RBBP8: variants seen among roughly 807,000 people sequenced by gnomAD.
RBBP8 encodes the protein RB binding protein 8, endonuclease, also known as DNA endonuclease RBBP8.
Under a neutral mutation model 108.3 loss-of-function variants are expected in RBBP8, and 88 were observed. The ratio of observed to expected loss-of-function variants is 0.81; its 90% confidence interval spans 0.68 to 0.97. The LOEUF is 0.97. Ranked by LOEUF, RBBP8 falls within the 50% of genes least tolerant of loss-of-function variation. RBBP8 has a pLI of 0.00. For synonymous variants in RBBP8, 332 were observed against 348.2 expected (o/e 0.95, Z 0.52); for missense variants, 1,023 against 1,049.0 (o/e 0.98, Z 0.34).
At chr18:23,018,454 G>A (rs567273747) in intron 17 of RBBP8, among the ~76,000 whole-genome samples, 230 of 152,296 alleles carry the variant, frequency 1.5e-3, no homozygotes, top group African/African-American at 5.4e-3. Context: ...AGATGGTACA[G>A]ACATTGCTTT....
chr18:22,959,383 A>G (rs1488243541), intron 4 of RBBP8, among the ~76,000 whole-genome samples: 11 of 151,640 alleles, frequency 7.3e-5, no homozygotes, highest in Non-Finnish European at 1.5e-5. Flanking sequence ...CCTTTCTGAA[A>G]TTTTTCCTTG....
At chr18:23,000,299 A>T (rs1328107081) in intron 14 of RBBP8, among the ~76,000 whole-genome samples, 1 of 152,196 alleles carries the variant, frequency 6.6e-6, no homozygotes, top group East Asian at 1.9e-4. Context: ...ATGTGATTAT[A>T]TAATGGGAAA....
At chr18:22,947,217 T>A (rs1007166004) in intron 3 of RBBP8, among the ~76,000 whole-genome samples, 2 of 152,064 alleles carry the variant, frequency 1.3e-5, no homozygotes, top group East Asian at 3.8e-4. Context: ...TTTAAAGAAT[T>A]GTAAAGACAA....
In RBBP8 at chr18:22,947,562, C is replaced by T. The variant is rs571097478; in HGVS notation, c.152+1076C>T. ...CAGTTACCTTAGAAAGACAGAAGGC[C>T]ACCAATTAGGAAAATGATACTGAGT... On this transcript the variant is annotated intron_variant, in intron 3 of 18. Transcript: ENST00000327155. 2.0e-5 allele frequency among the ~76,000 whole-genome samples: 3 copies of T among 152,138 alleles called. No individual in the cohort carries two copies. The South Asian group carries it at 6.2e-4, about 32-fold the overall frequency.
At chr18:22,931,116 A>G (rs1039902568), upstream of RBBP8, among the ~76,000 whole-genome samples, 6 of 152,298 alleles carry the variant, frequency 3.9e-5, no homozygotes, top group Middle Eastern at 6.8e-3. Context: ...AAATAACTAA[A>G]ACAATAAAAA....
At chr18:22,924,101 A>T (rs2144343159) in intron 3 of RBBP8, among the ~76,000 whole-genome samples, 1 of 149,478 alleles carries the variant, frequency 6.7e-6, no homozygotes, top group African/African-American at 2.4e-5. Flanking sequence ...TACAGTGTAA[A>T]GCATTTTTTA....
intron 15 of RBBP8, among the ~76,000 whole-genome samples, chr18:23,002,881 T>C (rs1165561264): frequency 6.6e-6 from 1 of 152,208 alleles, no homozygotes; most frequent in Non-Finnish European, 1.5e-5. Context: ...CAAGTAAATT[T>C]TGAAATAAAA....
At chr18:22,973,672 A>G (rs933775150) in intron 5 of RBBP8, among the ~76,000 whole-genome samples, 14 of 152,218 alleles carry the variant, frequency 9.2e-5, no homozygotes, top group African/African-American at 3.1e-4. Flanking sequence ...AATCTATAAG[A>G]TAAAGTTTTA....
At chr18:22,924,460 G>T (rs1244612666) in intron 3 of RBBP8, among the ~76,000 whole-genome samples, 4 of 151,480 alleles carry the variant, frequency 2.6e-5, no homozygotes, top group Non-Finnish European at 5.9e-5. Flanking sequence ...AAATGTACTT[G>T]CTCTGTCACC....
chr18:22,996,577 C>A, intron 13 of RBBP8, 115 bp downstream of exon 13: 1 of 1,485,614 alleles, frequency 6.7e-7, no homozygotes, highest in Non-Finnish European at 9.0e-7. Context: ...GTCTTAAAAC[C>A]TACATGTATT....
chr18:23,005,905 G>T (rs2046034880), intron 15 of RBBP8, among the ~76,000 whole-genome samples: 1 of 152,122 alleles, frequency 6.6e-6, no homozygotes, highest in Admixed American at 6.5e-5. Context: ...TAGTTGCAGA[G>T]GCAGGGTGCA....
chr18:22,939,506 A>G (rs1025471764), intron 2 of RBBP8, among the ~76,000 whole-genome samples: 11 of 152,118 alleles, frequency 7.2e-5, no homozygotes, highest in African/African-American at 2.7e-4. Flanking sequence ...ACCCTGGGCA[A>G]CAAGAGCGAA....
At chr18:22,996,250 A>C in intron 12 of RBBP8, 124 bp from the exon 13 acceptor site, 8 of 1,458,528 alleles carry the variant, frequency 5.5e-6, no homozygotes, top group Non-Finnish European at 7.3e-6. Flanking sequence ...TATCTTAGAT[A>C]TAAGTCCTTT....
intron 8 of RBBP8, among the ~76,000 whole-genome samples, chr18:22,986,005 C>A (rs1032462574): frequency 3.3e-5 from 5 of 151,736 alleles, no homozygotes; most frequent in Non-Finnish European, 7.4e-5. Flanking sequence ...CCCCCCAGTC[C>A]CTTCCCTGCT....
chr18:23,009,962 A>C (rs1335255735), intron 16 of RBBP8, among the ~76,000 whole-genome samples: 4 of 152,168 alleles, frequency 2.6e-5, no homozygotes, highest in African/African-American at 9.7e-5. Context: ...GGGTTTCACC[A>C]TGTTGGCCAG....
chr18:22,944,355 C>CT (rs1911367602), intron 2 of RBBP8, among the ~76,000 whole-genome samples: 1 of 152,118 alleles, frequency 6.6e-6, no homozygotes, highest in Non-Finnish European at 1.5e-5. Flanking sequence ...TGTTTCTTTT[C>CT]TTAAAATGGT....
intron 3 of RBBP8, among the ~76,000 whole-genome samples, chr18:22,928,072 G>A (rs1909858845): frequency 6.6e-6 from 1 of 151,762 alleles, no homozygotes; most frequent in Non-Finnish European, 1.5e-5. Context: ...AGCTAGGCAG[G>A]TGCCTGTAAT....
At chr18:23,012,031 T>C (rs545248297) in intron 16 of RBBP8, among the ~76,000 whole-genome samples, 61 of 151,738 alleles carry the variant, frequency 4.0e-4, no homozygotes, top group Admixed American at 7.9e-4. Flanking sequence ...AAGAACTCCA[T>C]CTCTACAAAA....
At chr18:23,012,271 A>G (rs1299831273) in intron 16 of RBBP8, among the ~76,000 whole-genome samples, 1 of 151,814 alleles carries the variant, frequency 6.6e-6, no homozygotes, top group Non-Finnish European at 1.5e-5. Flanking sequence ...TGAAAGGAAG[A>G]GTTGCACATC....
Sources: allele counts gnomAD v4.1 joint callset (sites outside exome capture counted in the v4.1 genomes callset), GRCh38; gene constraint gnomAD v4.1.1; transcripts MANE v1.5; gene names NCBI Gene and HGNC (gene_info 2026-07-23, HGNC 2026-07-21).